The following PPP1R1C variants were observed in gnomAD, a reference collection of about 807,000 sequenced individuals.
The protein encoded by PPP1R1C is protein phosphatase 1 regulatory inhibitor subunit 1C.
PPP1R1C carries 15 observed loss-of-function variants against 17.4 expected under a neutral mutation model. The observed-to-expected ratio is 0.86, with a 90% CI of 0.58 to 1.33. PPP1R1C has a LOEUF of 1.33. Ranked by LOEUF, PPP1R1C falls within the 40% of genes most tolerant of loss-of-function variation. The pLI, the probability that PPP1R1C is intolerant of heterozygous loss-of-function variation, is 0.00. For missense variants in PPP1R1C, 143 were observed against 130.0 expected (o/e 1.10, Z -0.48); for synonymous variants, 35 against 43.1 (o/e 0.81, Z 0.73).
upstream of PPP1R1C, among the ~76,000 whole-genome samples, chr2:181,980,936 T>G (rs1037192419): frequency 3.3e-5 from 5 of 151,130 alleles, no homozygotes; most frequent in African/African-American, 4.9e-5. Context: ...AGTTTTTTTT[T>G]TTTTTTTTTT....
intron 4 of PPP1R1C, among the ~76,000 whole-genome samples, chr2:182,076,123 G>A (rs1361132498): frequency 6.9e-6 from 1 of 144,680 alleles, no homozygotes; most frequent in Non-Finnish European, 1.5e-5. Context: ...AATTAGTCTG[G>A]ATCTTTTAGA....
chr2:181,999,686 C>G (rs1046247655), intron 2 of PPP1R1C, among the ~76,000 whole-genome samples: 1 of 151,056 alleles, frequency 6.6e-6, no homozygotes, highest in African/African-American at 2.4e-5. Context: ...AGTGGTAATT[C>G]TATACTTTTT....
At chr2:182,019,752 G>A (rs1686360504) in intron 2 of PPP1R1C, among the ~76,000 whole-genome samples, 1 of 152,184 alleles carries the variant, frequency 6.6e-6, no homozygotes, top group South Asian at 2.1e-4. Context: ...CTTAAACACA[G>A]AATTTTTATG....
chr2:182,023,144 T>C (rs1021189724), intron 2 of PPP1R1C, among the ~76,000 whole-genome samples: 1 of 152,150 alleles, frequency 6.6e-6, no homozygotes, highest in East Asian at 1.9e-4. Flanking sequence ...AGAAAAATTA[T>C]CATGCAAGAA....
At chr2:181,963,445 C>G (rs558070547) in intron 1 of PPP1R1C, among the ~76,000 whole-genome samples, 10 of 152,284 alleles carry the variant, frequency 6.6e-5, no homozygotes, top group African/African-American at 2.4e-4. Context: ...TCAAGACCAG[C>G]CTGGCCAACA....
intron 4 of PPP1R1C, among the ~76,000 whole-genome samples, chr2:182,103,208 A>C (rs1689150246): frequency 6.6e-6 from 1 of 152,236 alleles, no homozygotes; most frequent in Admixed American, 6.5e-5. Flanking sequence ...TTGTGTTGAG[A>C]AACTAAGTAA....
intron 2 of PPP1R1C, among the ~76,000 whole-genome samples, chr2:182,045,638 G>A (rs1004651658): frequency 2.6e-5 from 4 of 151,942 alleles, no homozygotes; most frequent in Non-Finnish European, 5.9e-5. Context: ...TAAAGAGAAT[G>A]TTGCTTTATT....
At chr2:182,090,243 ATAT>A (rs112660531) in intron 4 of PPP1R1C, among the ~76,000 whole-genome samples, 3,799 of 151,742 alleles carry the variant, frequency 0.025, 150 homozygotes, top group African/African-American at 0.087. Flanking sequence ...TTATTACCTG[ATAT>A]TATGTCAAAC....
At position 182,029,056 on chromosome 2, in the gene PPP1R1C, C is replaced by T. The variant is rs570027921; in HGVS notation, c.143-32386C>T. Among the ~76,000 whole-genome samples, 100 of 143,790 alleles carry T rather than the reference C, an allele frequency of 7.0e-4. No homozygotes were observed. The East Asian group carries it at 0.015, about 22-fold the overall frequency. 94.3% of individuals were successfully genotyped at this position (143,790 alleles called of 152,430 possible). On this transcript the variant is annotated intron_variant, in intron 2 of 4. Coordinates refer to ENST00000682840, the MANE Select transcript of PPP1R1C (RefSeq NM_001080545.3). ...CAACCCCTGCCTTTTTTTGTTTTCC[C>T]TTGGCTTGGTAGATCTTCCTCCATC... is the stretch of plus-strand genomic sequence containing the variant.
At chr2:181,970,443 T>C (rs945374679) in intron 1 of PPP1R1C, among the ~76,000 whole-genome samples, 5 of 152,228 alleles carry the variant, frequency 3.3e-5, no homozygotes, top group African/African-American at 1.2e-4. Context: ...AAGTATTCTC[T>C]GGATTACCAG....
At chr2:181,963,100 A>G (rs1684838062) in intron 1 of PPP1R1C, among the ~76,000 whole-genome samples, 1 of 152,236 alleles carries the variant, frequency 6.6e-6, no homozygotes, top group Admixed American at 6.5e-5. Flanking sequence ...TTCAGTGACA[A>G]TAAAAGAGGG....
At chr2:182,071,464 G>A (rs1016993450) in intron 4 of PPP1R1C, among the ~76,000 whole-genome samples, 4 of 152,166 alleles carry the variant, frequency 2.6e-5, no homozygotes, top group African/African-American at 7.2e-5. Context: ...ATGGTTTATC[G>A]CTGTTAATTT....
intron 2 of PPP1R1C, among the ~76,000 whole-genome samples, chr2:181,988,102 C>G (rs748596201): frequency 6.6e-6 from 1 of 152,206 alleles, no homozygotes; most frequent in Non-Finnish European, 1.5e-5. Context: ...TGTATTTCCT[C>G]TAGAATATCA....
chr2:182,029,137 G>T (rs1460045813), intron 2 of PPP1R1C, among the ~76,000 whole-genome samples: 2 of 144,538 alleles, frequency 1.4e-5, no homozygotes, highest in African/African-American at 2.6e-5. Context: ...CCTGAATACA[G>T]CACACTGATG....
rs1238147501 is a variant in PPP1R1C at position 181,967,586 on chromosome 2, C to T, written n.112-7633C>T. On this transcript the variant is annotated intron_variant and non_coding_transcript_variant, in intron 1 of 5. Transcript: ENST00000464264. The surrounding 1 kb of genome is among the most constrained non-coding windows in gnomAD (Gnocchi z 5.5). ...CATTCAGGAGCATATTATTTAATTT[C>T]CATATGTTTGTAAAGTCCCAAAGTT... Among the ~76,000 whole-genome samples the T allele has an allele frequency of 6.6e-6, 1 of 152,032 alleles. No individual in the cohort carries two copies. Among genetic ancestry groups the T allele is most frequent in the Non-Finnish European group, 1.5e-5 (1 of 67,996 alleles).
intron 4 of PPP1R1C, among the ~76,000 whole-genome samples, chr2:182,079,605 A>G (rs1312236803): frequency 2.0e-5 from 3 of 152,174 alleles, no homozygotes; most frequent in African/African-American, 7.2e-5. Context: ...GGAGGTAATA[A>G]AAGTGTGCAC....
intron 1 of PPP1R1C, among the ~76,000 whole-genome samples, chr2:181,963,063 G>A (rs756558316): frequency 4.6e-5 from 7 of 152,112 alleles, no homozygotes; most frequent in Non-Finnish European, 8.8e-5. Context: ...AAACATTCAA[G>A]GCAAGTTTCT....
intron 4 of PPP1R1C, among the ~76,000 whole-genome samples, chr2:182,081,869 T>C (rs1294247537): frequency 6.6e-6 from 1 of 152,174 alleles, no homozygotes; most frequent in African/African-American, 2.4e-5. Flanking sequence ...ATATTACCAA[T>C]TCCGTATGTC....
At chr2:181,979,912 AAAC>A (rs1250296932) in intron 2 of PPP1R1C, among the ~76,000 whole-genome samples, 1 of 152,194 alleles carries the variant, frequency 6.6e-6, no homozygotes, top group African/African-American at 2.4e-5. Context: ...TAGCAATTAA[AAAC>A]AACAACAACA....
Sources: gnomAD v4.1 joint callset for allele counts (sites outside exome capture counted in the v4.1 genomes callset) on GRCh38, gnomAD v4.1.1 for gene constraint, Gnocchi (gnomAD v3.1) non-coding constraint, MANE v1.5 for transcripts, NCBI Gene and HGNC (gene_info 2026-07-23, HGNC 2026-07-21) for gene names.